TBC1D5: variants seen among roughly 807,000 people sequenced by gnomAD.
TBC1D5 encodes the protein TBC1 domain family member 5.
TBC1D5 carries 75 observed loss-of-function variants against 100.3 expected under a neutral mutation model. The observed-to-expected ratio is 0.75, with a 90% CI of 0.62 to 0.91. TBC1D5 has a LOEUF of 0.91. Ranked by LOEUF, TBC1D5 falls within the 40% of genes least tolerant of loss-of-function variation. TBC1D5 has a pLI of 0.00. For synonymous variants in TBC1D5, 323 were observed against 325.6 expected (o/e 0.99, Z 0.09); for missense variants, 910 against 942.4 (o/e 0.97, Z 0.45).
At chr3:17,576,058 A>G (rs2096655328) in intron 2 of TBC1D5, among the ~76,000 whole-genome samples, 1 of 151,990 alleles carries the variant, frequency 6.6e-6, no homozygotes, top group Admixed American at 6.6e-5. Context: ...AGAACTCTTT[A>G]TTTTTCCTCA....
At chr3:17,618,393 G>C (rs112713730) in intron 2 of TBC1D5, among the ~76,000 whole-genome samples, 1 of 152,224 alleles carries the variant, frequency 6.6e-6, no homozygotes, top group African/African-American at 2.4e-5. Flanking sequence ...TCCATTCTCA[G>C]AGCTTAAATG....
At chr3:17,363,909 T>C (rs2091922648) in intron 13 of TBC1D5, among the ~76,000 whole-genome samples, 1 of 152,006 alleles carries the variant, frequency 6.6e-6, no homozygotes, top group African/African-American at 2.4e-5. Context: ...TGTTAAATTT[T>C]TTAAACCAAT....
At chr3:17,718,084 C>T (rs2075384223) in intron 1 of TBC1D5, among the ~76,000 whole-genome samples, 1 of 152,162 alleles carries the variant, frequency 6.6e-6, no homozygotes, top group Admixed American at 6.6e-5. Context: ...CCCTCCAACA[C>T]ATTTGGAGAG....
intron 13 of TBC1D5, among the ~76,000 whole-genome samples, chr3:17,313,044 A>C (rs977157154): frequency 6.6e-6 from 1 of 152,216 alleles, no homozygotes; most frequent in East Asian, 1.9e-4. Context: ...ATTTACCAGG[A>C]AATTCCAATA....
At chr3:17,634,413 A>G (rs2063733702) in intron 1 of TBC1D5, among the ~76,000 whole-genome samples, 1 of 152,178 alleles carries the variant, frequency 6.6e-6, no homozygotes, top group Admixed American at 6.5e-5. Context: ...ATGAGATCCT[A>G]TCATCTGGAA....
chr3:17,498,382 GCAAA>G (rs2150735857), intron 3 of TBC1D5, among the ~76,000 whole-genome samples: 1 of 152,236 alleles, frequency 6.6e-6, no homozygotes, highest in African/African-American at 2.4e-5. Context: ...CTCATAGAAT[GCAAA>G]GTTAAGAACA....
At chr3:17,549,431 T>G (rs1288143024) in intron 2 of TBC1D5, among the ~76,000 whole-genome samples, 1 of 152,214 alleles carries the variant, frequency 6.6e-6, no homozygotes, top group Admixed American at 6.5e-5. Context: ...ATAAAACATT[T>G]AAAAGTAAAG....
intron 1 of TBC1D5, among the ~76,000 whole-genome samples, chr3:17,687,030 G>C (rs1314155853): frequency 1.3e-5 from 2 of 152,112 alleles, no homozygotes; most frequent in Non-Finnish European, 2.9e-5. Context: ...AATATGTATA[G>C]TGAAATATCC....
At chr3:17,260,261 T>C (rs2078154060) in intron 15 of TBC1D5, among the ~76,000 whole-genome samples, 1 of 152,208 alleles carries the variant, frequency 6.6e-6, no homozygotes, top group South Asian at 2.1e-4. Flanking sequence ...AAGACCCCTT[T>C]TCTCTGACTT....
At position 17,486,822 on chromosome 3, in the gene TBC1D5, A is replaced by T. The variant is rs139874771; in HGVS notation, c.97+21652T>A. On this transcript the variant is annotated intron_variant, in intron 3 of 21. Transcript: ENST00000253692. ...GGGAGCTATGCAAACTTTATAATGA[A>T]AGAACTGTGGGTTGAATGTTTCAAT... Among the ~76,000 whole-genome samples, 3 of 152,310 alleles carry T rather than the reference A, an allele frequency of 2.0e-5. No homozygotes were observed. The East Asian group carries it at 5.8e-4, about 29-fold the overall frequency.
intron 1 of TBC1D5, among the ~76,000 whole-genome samples, chr3:17,651,442 A>T (rs1438449936): frequency 6.6e-6 from 1 of 152,176 alleles, no homozygotes; most frequent in Non-Finnish European, 1.5e-5. Flanking sequence ...AATTGTTAAG[A>T]GATGGTTTCA....
chr3:17,694,073 C>A (rs1424275186), intron 1 of TBC1D5, among the ~76,000 whole-genome samples: 1 of 152,136 alleles, frequency 6.6e-6, no homozygotes, highest in African/African-American at 2.4e-5. Flanking sequence ...ACATCTACAC[C>A]AAAACCTCAT....
intron 3 of TBC1D5, among the ~76,000 whole-genome samples, chr3:17,449,770 G>A (rs1030920819): frequency 2.6e-5 from 4 of 152,144 alleles, no homozygotes; most frequent in East Asian, 1.9e-4. Flanking sequence ...TCCCCAGGAC[G>A]GAGCACCTGG....
intron 13 of TBC1D5, among the ~76,000 whole-genome samples, chr3:17,368,909 CA>C (rs1252508239): frequency 5.9e-5 from 9 of 152,036 alleles, no homozygotes; most frequent in South Asian, 4.1e-4. Flanking sequence ...GATATTTACT[CA>C]AACCACTGTC....
At chr3:17,404,130 C>T (rs2093710711) in intron 7 of TBC1D5, among the ~76,000 whole-genome samples, 3 of 151,980 alleles carry the variant, frequency 2.0e-5, no homozygotes, top group Admixed American at 2.0e-4. Flanking sequence ...AATGCTAACA[C>T]TATGGATTAA....
chr3:17,642,394 G>A (rs936977742), intron 1 of TBC1D5, among the ~76,000 whole-genome samples: 6 of 152,062 alleles, frequency 3.9e-5, no homozygotes, highest in South Asian at 2.1e-4. Flanking sequence ...TCCTATCATC[G>A]ATATTTTATA....
intron 2 of TBC1D5, among the ~76,000 whole-genome samples, chr3:17,531,267 A>C (rs193222872): frequency 0.07 from 10,599 of 152,180 alleles, 712 homozygotes; most frequent in African/African-American, 0.18. Context: ...CCTAGGAATC[A>C]AACTTACAAG....
chr3:17,398,011 A>G (rs925308562), intron 8 of TBC1D5, among the ~76,000 whole-genome samples: 3 of 152,160 alleles, frequency 2.0e-5, no homozygotes, highest in Non-Finnish European at 4.4e-5. Flanking sequence ...TTTAGAATAG[A>G]CCTTGATAGA....
chr3:17,671,918 C>T (rs1438362833), intron 1 of TBC1D5, among the ~76,000 whole-genome samples: 3 of 152,212 alleles, frequency 2.0e-5, no homozygotes, highest in Admixed American at 6.5e-5. Context: ...TCTGAAACTA[C>T]TGACATTCAA....
Sources: gnomAD v4.1 joint callset for allele counts (sites outside exome capture counted in the v4.1 genomes callset) on GRCh38, gnomAD v4.1.1 for gene constraint, MANE v1.5 for transcripts, NCBI Gene and HGNC (gene_info 2026-07-23, HGNC 2026-07-21) for gene names.